Variants in RNF17 observed in about 807,000 individuals in gnomAD.
RNF17 encodes spermatogenesis associated 23.
A neutral mutation model predicts 200.5 loss-of-function variants in RNF17; 31 were observed. The ratio of observed to expected loss-of-function variants is 0.15; its 90% CI spans 0.12 to 0.21. The LOEUF is 0.21. Ranked by LOEUF, RNF17 falls within the 10% of genes least tolerant of loss-of-function variation. RNF17 has a pLI of 1.00. For missense variants in RNF17, 1,628 were observed against 1,905.1 expected, an observed-to-expected ratio of 0.85 and a Z score of 2.71; for synonymous variants, 606 against 637.8, an observed-to-expected ratio of 0.95 and a Z score of 0.75.
At chr13:24,759,478 A>G (rs190381731), upstream of RNF17, among the ~76,000 whole-genome samples, 2 of 152,350 alleles carry the variant, frequency 1.3e-5, no homozygotes, top group African/African-American at 2.4e-5. Context: ...CAGCATGCAC[A>G]TTCTAAATTA....
chr13:24,823,319 G>A (rs535850896), intron 15 of RNF17, among the ~76,000 whole-genome samples: 5 of 152,204 alleles, frequency 3.3e-5, no homozygotes, highest in Admixed American at 1.3e-4. Context: ...TGATCTGCCC[G>A]CCTCAGCTTC....
intron 18 of RNF17, among the ~76,000 whole-genome samples, chr13:24,835,240 C>G (rs537402815): frequency 1.3e-5 from 2 of 151,930 alleles, no homozygotes; most frequent in East Asian, 3.9e-4. Context: ...TCCCTACCCC[C>G]CCTGGTAGCT....
chr13:24,781,855 C>T lies in RNF17; in HGVS notation c.522C>T (p.His174=), dbSNP rs1004097105. The T allele has an allele frequency of 1.2e-6, 2 of 1,601,468 alleles. No homozygotes were observed. The highest frequency in any genetic ancestry group is 1.7e-6 in the Non-Finnish European group (2 of 1,175,818). ...TTTTTTTTTTCCAGGCACTTGAACA[C>T]ATGCAGAAGCAAACGATAGAGGAAA... ...QLSIAGKALE[H]MQKQTIEERE... Residue 174 remains histidine (H), a synonymous_variant, in exon 6 of 36, where the codon CAC becomes CAT. Transcript: ENST00000255324.
In RNF17 at chr13:24,797,705, A is replaced by AGTGCGTGTGTGTGTGT. The variant is rs1555269364; in HGVS notation, c.1399+1413_1399+1414insCGTGTGTGTGTGTGTG. 5.0e-5 allele frequency among the ~76,000 whole-genome samples: 6 copies of AGTGCGTGTGTGTGTGT among 119,096 alleles called. No homozygotes were observed. The South Asian group carries it at 8.9e-4, about 18-fold the overall frequency. 78.1% of individuals were successfully genotyped at this position (119,096 alleles called of 152,430 possible). A position where few individuals can be genotyped will look rare whatever the true frequency, so the allele number is the denominator to read the frequency against. Reference sequence around the variant, plus strand: ...GAGAGAGAGAGAGAGAGAGACAAAGAGTGTGTGTGTGTGTGTGTGTGTGTG... The same window carrying AGTGCGTGTGTGTGTGT: ...GAGAGAGAGAGAGAGAGAGACAAAGAGTGCGTGTGTGTGTGTGTGTGTGTGTGTGTGTGTGTGTGTG... On this transcript the variant is annotated intron_variant, in intron 11 of 35. Coordinates refer to ENST00000255324, the MANE Select transcript of RNF17 (RefSeq NM_031277.3).
the RNF17 span, chr13:24,885,144 A>C: frequency 1.5e-6 from 1 of 674,552 alleles, no homozygotes; most frequent in Non-Finnish European, 2.6e-6. Flanking sequence ...CCTTTTGCTG[A>C]ATCTCTGAAC....
chr13:24,786,650 G>A (rs1222255774), intron 6 of RNF17, among the ~76,000 whole-genome samples: 1 of 152,076 alleles, frequency 6.6e-6, no homozygotes, highest in Non-Finnish European at 1.5e-5. Flanking sequence ...CTTCACTTTT[G>A]AAGAATACTT....
At chr13:24,859,249 G>A in intron 26 of RNF17, 85 bp downstream of exon 26, 1 of 925,600 alleles carries the variant, frequency 1.1e-6, no homozygotes, top group Non-Finnish European at 1.5e-6. Flanking sequence ...CGAGAAAGTT[G>A]GATTAAAACA....
At chr13:24,809,294 A>G (rs1178217160) in intron 15 of RNF17, among the ~76,000 whole-genome samples, 13 of 151,512 alleles carry the variant, frequency 8.6e-5, no homozygotes, top group African/African-American at 3.2e-4. Flanking sequence ...TTTGGTTGGT[A>G]AGCTATTGAT....
At chr13:24,816,827 G>C (rs1285596817) in intron 15 of RNF17, among the ~76,000 whole-genome samples, 1 of 152,046 alleles carries the variant, frequency 6.6e-6, no homozygotes, top group African/African-American at 2.4e-5. Flanking sequence ...ACATACACTT[G>C]GCCACAGGTC....
intron 15 of RNF17, among the ~76,000 whole-genome samples, chr13:24,809,801 C>T (rs1158478424): frequency 4.6e-5 from 7 of 152,096 alleles, no homozygotes; most frequent in Non-Finnish European, 8.8e-5. Context: ...TCCCTCTACA[C>T]ACTGCTTTGA....
downstream of RNF17, chr13:24,883,333 T>C: frequency 6.2e-7 from 1 of 1,613,848 alleles, no homozygotes; most frequent in Non-Finnish European, 8.5e-7. Context: ...GTAGTTCTCT[T>C]TGGCCATTAT....
rs183251240 is a variant in RNF17 at position 24,792,786 on chromosome 13, C to T, written c.936-256C>T. Among the ~76,000 whole-genome samples, 56 of 152,310 alleles carry T rather than the reference C, an allele frequency of 3.7e-4. No homozygotes were observed. The East Asian group carries it at 0.011, about 29-fold the overall frequency. On this transcript the variant is annotated intron_variant, in intron 9 of 35. Transcript: ENST00000255324. ...CATGGAATAACTAAAATATAAACTTCATGAAACCCAATCTTATCTCATTGT... is the reference window on the plus strand; with the variant it reads ...CATGGAATAACTAAAATATAAACTTTATGAAACCCAATCTTATCTCATTGT...
At chr13:24,841,261 A>T (rs1890615739) in intron 18 of RNF17, among the ~76,000 whole-genome samples, 1 of 152,200 alleles carries the variant, frequency 6.6e-6, no homozygotes, top group African/African-American at 2.4e-5. Context: ...GACAGAAAAA[A>T]GTTCTAGTTA....
intron 1 of RNF17, 113 bp downstream of exon 1, chr13:24,764,446 C>G (rs1012932877): frequency 7.2e-6 from 10 of 1,394,456 alleles, no homozygotes; most frequent in Non-Finnish European, 7.6e-6. Context: ...CCTGGTGTCA[C>G]CAGAAACTGC....
At chr13:24,791,469 A>G (rs1191872984) in intron 9 of RNF17, among the ~76,000 whole-genome samples, 3 of 152,180 alleles carry the variant, frequency 2.0e-5, no homozygotes, top group Non-Finnish European at 2.9e-5. Context: ...TAGTATGTTG[A>G]GTACTTACTG....
chr13:24,865,015 T>C lies in RNF17; in HGVS notation c.4101+17T>C, dbSNP rs1468850522. The stretch of plus-strand genomic sequence containing the variant: ...TTGAAAGAAGTAAGTGCACTATTTT[T>C]CTATAAAAATCTAAAGTGTAGAAAA... On this transcript the variant is annotated intron_variant, in intron 29 of 35. Transcript: ENST00000255324. 6.6e-7 allele frequency: 1 copy of C among 1,522,118 alleles called. No homozygotes were observed. The highest frequency in any genetic ancestry group is 2.2e-5 in the Admixed American group (1 of 45,616). The allele number at this position is 1,522,118 out of a possible 1,614,324, so 94.3% of individuals were successfully genotyped here.
At chr13:24,880,617 C>T (rs1953788465), downstream of RNF17, among the ~76,000 whole-genome samples, 1 of 152,140 alleles carries the variant, frequency 6.6e-6, no homozygotes, top group Admixed American at 6.6e-5. Flanking sequence ...ACTGCTATAT[C>T]TGTGTACATA....
intron 15 of RNF17, among the ~76,000 whole-genome samples, chr13:24,814,588 A>T (rs1343054117): frequency 6.6e-6 from 1 of 152,118 alleles, no homozygotes; most frequent in Admixed American, 6.6e-5. Flanking sequence ...TTTGAATTGG[A>T]TATTCAGTTT....
intron 32 of RNF17, among the ~76,000 whole-genome samples, chr13:24,873,821 T>C (rs1287493137): frequency 3.9e-5 from 6 of 152,220 alleles, no homozygotes; most frequent in Non-Finnish European, 8.8e-5. Context: ...GATATTTGTC[T>C]TTCTGTGCTT....
Sources: gnomAD v4.1 joint callset for allele counts (sites outside exome capture counted in the v4.1 genomes callset) on GRCh38, gnomAD v4.1.1 for gene constraint, MANE v1.5 for transcripts, NCBI Gene and HGNC (gene_info 2026-07-23, HGNC 2026-07-21) for gene names.